Variants in CHST15 observed in about 807,000 individuals in gnomAD.
CHST15 encodes the protein carbohydrate sulfotransferase 15.
Under a neutral mutation model 53.6 loss-of-function variants are expected in CHST15, and 30 were observed. That is an observed-to-expected ratio of 0.56 (90% CI 0.42 to 0.76). The LOEUF (loss-of-function observed/expected upper bound fraction) is 0.76. CHST15 is among the 30% of genes least tolerant of loss of function. The pLI is 0.00. For missense variants in CHST15, 627 were observed against 740.5 expected, an observed-to-expected ratio of 0.85 and a Z score of 1.78; for synonymous variants, 296 against 289.8, an observed-to-expected ratio of 1.02 and a Z score of -0.22.
At chr10:124,039,907 AC>A (rs1947673130) in intron 4 of CHST15, among the ~76,000 whole-genome samples, 1 of 152,238 alleles carries the variant, frequency 6.6e-6, no homozygotes, top group Non-Finnish European at 1.5e-5. Context: ...GAGCCAGATG[AC>A]TGAGTCTCTT....
chr10:124,084,909 C>T (rs1169634627), intron 1 of CHST15, among the ~76,000 whole-genome samples: 1 of 152,200 alleles, frequency 6.6e-6, no homozygotes, highest in Non-Finnish European at 1.5e-5. Flanking sequence ...CACCCCACCG[C>T]CCTGAGCCGC....
At chr10:124,015,016 G>A (rs28587948) in intron 6 of CHST15, among the ~76,000 whole-genome samples, 17 of 152,178 alleles carry the variant, frequency 1.1e-4, no homozygotes, top group Admixed American at 5.9e-4. Flanking sequence ...TGCTTCTCCC[G>A]GGGCTAGCTC....
At chr10:124,017,720 C>CCT (rs1195005239) in intron 6 of CHST15, among the ~76,000 whole-genome samples, 2 of 152,200 alleles carry the variant, frequency 1.3e-5, no homozygotes, top group Non-Finnish European at 2.9e-5. Flanking sequence ...GGTCCTAGAT[C>CCT]CTCTGCTTAC....
At position 124,009,103 on chromosome 10, in the gene CHST15, A is replaced by G. The variant is rs1946342676; in HGVS notation, c.*1046T>C. 41 of 1,261,758 alleles carry G rather than the reference A, an allele frequency of 3.2e-5. No homozygotes were observed. The highest frequency in any genetic ancestry group is 4.1e-5 in the Non-Finnish European group (40 of 967,286). The allele number at this position is 1,261,758 out of a possible 1,614,324, so 78.2% of individuals were successfully genotyped here. On this transcript the variant is annotated 3_prime_UTR_variant, in exon 8 of 8. Coordinates refer to ENST00000435907, the MANE Select transcript of CHST15 (RefSeq NM_001270764.2). ...GCAGTGGAGAATGTGGAAATAAACT[A>G]TTTCCAATGGGAAGGCAGAGAAATG...
At chr10:124,084,103 G>A (rs1949339854) in intron 1 of CHST15, among the ~76,000 whole-genome samples, 1 of 152,220 alleles carries the variant, frequency 6.6e-6, no homozygotes, top group South Asian at 2.1e-4. Flanking sequence ...AAGACGGAAG[G>A]GTCTCTGCTG....
chr10:124,088,871 C>G (rs1035929732), intron 1 of CHST15, among the ~76,000 whole-genome samples: 1 of 150,700 alleles, frequency 6.6e-6, no homozygotes, highest in African/African-American at 2.4e-5. Flanking sequence ...AACTAGACAC[C>G]TAGACTGGAC....
intron 4 of CHST15, among the ~76,000 whole-genome samples, chr10:124,040,647 GGAGTCTAGAACT>G (rs1392162022): frequency 6.6e-6 from 1 of 152,220 alleles, no homozygotes; most frequent in Non-Finnish European, 1.5e-5. Flanking sequence ...AGAGCTGGAA[GGAGTCTAGAACT>G]GACCTGGTCC....
chr10:124,037,128 T>C (rs1027849306), intron 5 of CHST15, among the ~76,000 whole-genome samples: 3 of 152,172 alleles, frequency 2.0e-5, no homozygotes, highest in Non-Finnish European at 4.4e-5. Context: ...CCCTGTGTCT[T>C]AGGGTGGGTG....
chr10:124,045,489 G>A (rs374085709), intron 2 of CHST15, among the ~76,000 whole-genome samples, 178 bp downstream of exon 2: 4 of 152,314 alleles, frequency 2.6e-5, no homozygotes, highest in East Asian at 1.9e-4. Flanking sequence ...ACTCCATAGC[G>A]TAAGCAAACA....
chr10:124,051,047 G>A (rs1200926928), intron 1 of CHST15, among the ~76,000 whole-genome samples: 1 of 152,098 alleles, frequency 6.6e-6, no homozygotes, highest in East Asian at 1.9e-4. Context: ...GGGTTCAAGC[G>A]ATTCTCCTGT....
rs1764863010 is a variant in CHST15 at position 124,049,901 on chromosome 10, G to C, written c.-512-3177C>G. Among the ~76,000 whole-genome samples, 3 of 152,096 alleles carry C rather than the reference G, an allele frequency of 2.0e-5. No homozygotes were observed. In the South Asian group the frequency reaches 6.2e-4, roughly 32 times the overall value. The stretch of plus-strand genomic sequence containing the variant: ...CATCTGAAGTGGGGCAGTCTGGTGA[G>C]ACCGAGCCCTCAAACCGGTAGAGTC... On this transcript the variant is annotated intron_variant, in intron 1 of 7. Coordinates refer to ENST00000435907, the MANE Select transcript of CHST15 (RefSeq NM_001270764.2).
chr10:124,076,469 G>T (rs1727617175), intron 1 of CHST15, among the ~76,000 whole-genome samples: 1 of 152,130 alleles, frequency 6.6e-6, no homozygotes, highest in Admixed American at 6.5e-5. Context: ...CGTGTGCTTA[G>T]GTCAGGCCTC....
chr10:124,079,234 C>T (rs1949166187), intron 1 of CHST15, among the ~76,000 whole-genome samples: 1 of 152,222 alleles, frequency 6.6e-6, no homozygotes, highest in Non-Finnish European at 1.5e-5. Flanking sequence ...ATATTACTGT[C>T]ACAACTACTG....
intron 1 of CHST15, among the ~76,000 whole-genome samples, chr10:124,078,337 C>T (rs747472200): frequency 3.3e-5 from 5 of 152,232 alleles, no homozygotes; most frequent in Admixed American, 6.5e-5. Flanking sequence ...CCTCTGAACT[C>T]AGTTCTTACA....
rs758243657 is a variant in CHST15, at chr10:124,045,112, CAAAAAAAAAA to C, written c.547-203_547-194del. On this transcript the variant is annotated intron_variant, in intron 2 of 7. Coordinates refer to ENST00000435907, the MANE Select transcript of CHST15 (RefSeq NM_001270764.2). ...TGCTTTCCTCTCCCCCGCCGCCCCA[CAAAAAAAAAA>C]AAAAAAAAAAAAAAAAAAAAAACTT... 4.7e-3 allele frequency among the ~76,000 whole-genome samples: 159 copies of C among 33,772 alleles called. 1 individual carries two copies. Among genetic ancestry groups the C allele is most frequent in the African/African-American group, 5.8e-3 (77 of 13,272 alleles). The allele number at this position is 33,772 out of a possible 152,430, so 22.2% of individuals were successfully genotyped here.
At chr10:124,085,337 A>C (rs1431840925) in intron 1 of CHST15, among the ~76,000 whole-genome samples, 1 of 152,198 alleles carries the variant, frequency 6.6e-6, no homozygotes, top group Non-Finnish European at 1.5e-5. Flanking sequence ...AAATTTCCAT[A>C]ACATTTTCCC....
At position 124,046,223 on chromosome 10, in the gene CHST15, G is replaced by C. The variant is rs1412564424; in HGVS notation, c.-11C>G. ...AATGCAGTGCCTCATGGTAGTGCCA[G>C]TGCCCTGGGCTGCTGGCTTACCGAG... On this transcript the variant is annotated 5_prime_UTR_variant, in exon 2 of 8. Transcript: ENST00000435907. The C allele has an allele frequency of 6.3e-7, 1 of 1,581,926 alleles. No individual in the cohort carries two copies. The highest frequency in any genetic ancestry group is 8.6e-7 in the Non-Finnish European group (1 of 1,162,872).
chr10:124,016,103 G>A (rs1946577205), intron 6 of CHST15, among the ~76,000 whole-genome samples: 2 of 152,176 alleles, frequency 1.3e-5, no homozygotes, highest in Non-Finnish European at 2.9e-5. Context: ...GGCTTCTCGG[G>A]ACCCTGCTCT....
At chr10:124,014,797 C>T (rs933126374) in intron 6 of CHST15, among the ~76,000 whole-genome samples, 11 of 152,152 alleles carry the variant, frequency 7.2e-5, no homozygotes, top group Admixed American at 2.0e-4. Context: ...GTAGTCTGTC[C>T]GAGCACCTGG....
Sources: gnomAD v4.1 joint callset for allele counts (sites outside exome capture counted in the v4.1 genomes callset) on GRCh38, gnomAD v4.1.1 for gene constraint, MANE v1.5 for transcripts, NCBI Gene and HGNC (gene_info 2026-07-23, HGNC 2026-07-21) for gene names.